The following NPS variants were observed in gnomAD, a reference collection of about 807,000 sequenced individuals.
NPS encodes prepro-neuropeptide S.
A neutral mutation model predicts 7.2 loss-of-function variants in NPS; 6 were observed. That is an observed-to-expected ratio of 0.83 (90% CI 0.46 to 1.64). The LOEUF (loss-of-function observed/expected upper bound fraction) is 1.64, where lower values mean the gene tolerates loss of function less well. NPS is among the 40% of genes most tolerant of loss of function. The pLI is 0.01. For missense variants in NPS, 123 were observed against 97.8 expected (o/e 1.26, Z -1.09); for synonymous variants, 42 against 36.7 (o/e 1.14, Z -0.52).
chr10:127,549,561 A>G lies in NPS; in HGVS notation c.81A>G (p.Pro27=), dbSNP rs2134875895. The change falls in exon 2 of 3, where the codon CCA becomes CCG. Residue 27 remains proline (P), a synonymous_variant. Coordinates refer to ENST00000398023, the MANE Select transcript of NPS (RefSeq NM_001030013.2). The stretch of plus-strand genomic sequence containing the variant: ...ATGTGTTTTGGTGTTATCCAGTTCC[A>G]TCTTCTAAGGTAAGGATTTGCCTCC... ...TMHVFWCYPV[P]SSKVSGKSDY... 1.9e-6 allele frequency: 3 copies of G among 1,594,974 alleles called. No homozygotes were observed. Among genetic ancestry groups the G allele is most frequent in the Non-Finnish European group, 2.6e-6 (3 of 1,162,760 alleles).
Position 127,551,385 on chromosome 10 carries a change from C to T in NPS, c.91-1075C>T, listed in dbSNP as rs144881762. Among the ~76,000 whole-genome samples the T allele has an allele frequency of 5.3e-4, 81 of 152,152 alleles. No individual in the cohort carries two copies. In the East Asian group the frequency reaches 0.014, roughly 26 times the overall value. ...CGCTTTATGCACTCTGGCCCCGTTT[C>T]GACTTCCATACAGTAACCTGAGACC... On this transcript the variant is annotated intron_variant, in intron 2 of 2. Transcript: ENST00000398023.
At chr10:127,550,155 G>T (rs961127378) in intron 2 of NPS, among the ~76,000 whole-genome samples, 1 of 151,794 alleles carries the variant, frequency 6.6e-6, no homozygotes, top group African/African-American at 2.4e-5. Context: ...TCAATATTTT[G>T]TTTATAATTT....
At chr10:127,549,658 A>G in intron 2 of NPS, 88 bp downstream of exon 2, 1 of 826,494 alleles carries the variant, frequency 1.2e-6, no homozygotes, top group Non-Finnish European at 2.1e-6. Context: ...GGAATATGTG[A>G]CAGAAAAGTA....
chr10:127,549,634 C>A, intron 2 of NPS, 64 bp downstream of exon 2: 3 of 965,208 alleles, frequency 3.1e-6, no homozygotes, highest in South Asian at 1.4e-5. Context: ...TATGTAAATT[C>A]CAAATACTTT....
Position 127,549,395 on chromosome 10 carries a change from C to A in NPS, c.8+19C>A. On this transcript the variant is annotated intron_variant, in intron 1 of 2. Coordinates refer to ENST00000398023, the MANE Select transcript of NPS (RefSeq NM_001030013.2). The stretch of plus-strand genomic sequence containing the variant: ...TGATTAGGTAAAAGGCTACGTTTTT[C>A]TGCAAAGAAAAATGTTGCATTTTCA... 6.2e-7 allele frequency: 1 copy of A among 1,607,354 alleles called. No homozygotes were observed. The highest frequency in any genetic ancestry group is 1.1e-5 in the South Asian group (1 of 90,846).
intron 2 of NPS, among the ~76,000 whole-genome samples, chr10:127,551,279 A>G (rs1359479137): frequency 6.6e-6 from 1 of 151,164 alleles, no homozygotes; most frequent in Non-Finnish European, 1.5e-5. Context: ...TTTTTTCCCC[A>G]GAGGCCAGTG....
At position 127,552,982 on chromosome 10, in the gene NPS, G is replaced by T. The variant is rs7071923; in HGVS notation, c.*343G>T. Among the ~76,000 whole-genome samples the T allele has an allele frequency of 6.0e-4, 92 of 152,150 alleles. No homozygotes were observed. The highest frequency in any genetic ancestry group is 7.8e-4 in the Non-Finnish European group (53 of 68,030). On this transcript the variant is annotated 3_prime_UTR_variant, in exon 3 of 3. Transcript: ENST00000398023. ...TAGTATGATTTTTTTTTTCCTGCCT[G>T]TAATATCATAACACGAATACTGTGA...
At position 127,552,640 on chromosome 10, in the gene NPS, C is replaced by T; in HGVS notation, c.*1C>T. 6.2e-7 allele frequency: 1 copy of T among 1,604,656 alleles called. No individual in the cohort carries two copies. The highest frequency in any genetic ancestry group is 1.1e-5 in the South Asian group (1 of 90,758). Reference sequence around the variant, plus strand: ...TTCCTTTCAAAGAGCAAAATCATGACTAAGTGTGCAAAGGACTCGGGGAAT... The same window carrying T: ...TTCCTTTCAAAGAGCAAAATCATGATTAAGTGTGCAAAGGACTCGGGGAAT... On this transcript the variant is annotated 3_prime_UTR_variant, in exon 3 of 3. Coordinates refer to ENST00000398023, the MANE Select transcript of NPS (RefSeq NM_001030013.2).
At chr10:127,551,256 GA>G (rs71032569) in intron 2 of NPS, among the ~76,000 whole-genome samples, 13,319 of 151,666 alleles carry the variant, frequency 0.088, 744 homozygotes, top group Non-Finnish European at 0.14. Context: ...AAAAAGGGGG[GA>G]AAAAGCCCAT....
Position 127,552,954 on chromosome 10 carries a change from C to T in NPS, c.*315C>T, listed in dbSNP as rs563767750. On this transcript the variant is annotated 3_prime_UTR_variant, in exon 3 of 3. Transcript: ENST00000398023. The stretch of plus-strand genomic sequence containing the variant: ...AGCATGAGCATGTTGACAGTCATCA[C>T]GATAGTATGATTTTTTTTTTCCTGC... 2.6e-5 allele frequency among the ~76,000 whole-genome samples: 4 copies of T among 150,952 alleles called. No homozygotes were observed. In the South Asian group the frequency reaches 8.3e-4, roughly 31 times the overall value.
In NPS at chr10:127,553,284, A is replaced by T. The variant is rs1844875690; in HGVS notation, c.*645A>T. On this transcript the variant is annotated 3_prime_UTR_variant, in exon 3 of 3. Coordinates refer to ENST00000398023, the MANE Select transcript of NPS (RefSeq NM_001030013.2). ...TTGTCTTGGAAATTTGTTGCCTTTT[A>T]AAATCTTTAAGCACAGAAATGCTGC... Among the ~76,000 whole-genome samples the T allele has an allele frequency of 6.6e-6, 1 of 152,244 alleles. No individual in the cohort carries two copies. Among genetic ancestry groups the T allele is most frequent in the East Asian group, 1.9e-4 (1 of 5,172 alleles).
At chr10:127,550,388 A>G (rs1463296264) in intron 2 of NPS, among the ~76,000 whole-genome samples, 1 of 151,892 alleles carries the variant, frequency 6.6e-6, no homozygotes, top group Non-Finnish European at 1.5e-5. Flanking sequence ...TCATTTTTCT[A>G]TTTCTTGTTT....
rs1469709454 is a variant in NPS at position 127,552,733 on chromosome 10, T to C, written c.*94T>C. The C allele has an allele frequency of 5.0e-6, 4 of 792,268 alleles. No individual in the cohort carries two copies. The highest frequency in any genetic ancestry group is 8.4e-6 in the Non-Finnish European group (4 of 473,784). The allele number at this position is 792,268 out of a possible 1,614,324, so 49.1% of individuals were successfully genotyped here. A position where few individuals can be genotyped will look rare whatever the true frequency, so the allele number is the denominator to read the frequency against. ...GTCTCTTTATCATTGAGTGTTGGCATGCTCTCTATTCTCAAATATCTTTCC... is the reference window on the plus strand; with the variant it reads ...GTCTCTTTATCATTGAGTGTTGGCACGCTCTCTATTCTCAAATATCTTTCC... On this transcript the variant is annotated 3_prime_UTR_variant, in exon 3 of 3. Coordinates refer to ENST00000398023, the MANE Select transcript of NPS (RefSeq NM_001030013.2).
At position 127,552,744 on chromosome 10, in the gene NPS, C is replaced by T. The variant is rs1278426000; in HGVS notation, c.*105C>T. On this transcript the variant is annotated 3_prime_UTR_variant, in exon 3 of 3. Coordinates refer to ENST00000398023, the MANE Select transcript of NPS (RefSeq NM_001030013.2). Reference sequence around the variant, plus strand: ...ATTGAGTGTTGGCATGCTCTCTATTCTCAAATATCTTTCCTCTCCTGACTG... The same window carrying T: ...ATTGAGTGTTGGCATGCTCTCTATTTTCAAATATCTTTCCTCTCCTGACTG... 1.4e-5 allele frequency: 10 copies of T among 736,508 alleles called. No individual in the cohort carries two copies. The highest frequency in any genetic ancestry group is 2.3e-5 in the Non-Finnish European group (10 of 433,198). 45.6% of individuals were successfully genotyped at this position (736,508 alleles called of 1,614,324 possible).
rs1844837073 is a variant in NPS, at chr10:127,549,502, A to G, written c.22A>G (p.Asn8Asp). The change falls in exon 2 of 3, where the codon AAT (asparagine) becomes GAT (aspartate). Residue 8 changes from asparagine (N) to aspartate (D), a missense_variant. Asn to Asp is a conservative substitution (Grantham distance 23). Coordinates refer to ENST00000398023, the MANE Select transcript of NPS (RefSeq NM_001030013.2). The stretch of plus-strand genomic sequence containing the variant: ...TCTACTTTGCAGCTCAGTAAAACTC[A>G]ATCTCATCCTAGTTCTGTCGCTGTC... MISSVKL[N>D]LILVLSLSTM... is the part of the protein sequence containing the mutation. The G allele has an allele frequency of 6.2e-7, 1 of 1,611,812 alleles. No individual in the cohort carries two copies. Among genetic ancestry groups the G allele is most frequent in the Non-Finnish European group, 8.5e-7 (1 of 1,177,938 alleles).
At chr10:127,551,335 C>T (rs186736444) in intron 2 of NPS, among the ~76,000 whole-genome samples, 7 of 152,148 alleles carry the variant, frequency 4.6e-5, no homozygotes, top group East Asian at 3.9e-4. Flanking sequence ...AAACCACCCA[C>T]GCGTGGGTGA....
chr10:127,549,330 A>C lies in NPS; in HGVS notation c.-39A>C. On this transcript the variant is annotated 5_prime_UTR_variant, in exon 1 of 3. Transcript: ENST00000398023. Reference sequence around the variant, plus strand: ...GAGAGTAAGTGTGAGAAATTTGGCAATAAAACCACCTATCTTTACAGATTT... The same window carrying C: ...GAGAGTAAGTGTGAGAAATTTGGCACTAAAACCACCTATCTTTACAGATTT... The C allele has an allele frequency of 6.3e-7, 1 of 1,589,124 alleles. No individual in the cohort carries two copies. The highest frequency in any genetic ancestry group is 8.6e-7 in the Non-Finnish European group (1 of 1,160,026).
chr10:127,551,133 A>C (rs1450272204), intron 2 of NPS, among the ~76,000 whole-genome samples: 1 of 151,996 alleles, frequency 6.6e-6, no homozygotes, highest in Non-Finnish European at 1.5e-5. Flanking sequence ...TCATGTTTAG[A>C]TTTCCTCTGT....
intron 2 of NPS, 42 bp downstream of exon 2, chr10:127,549,612 A>ATTT: frequency 9.1e-7 from 1 of 1,095,518 alleles, no homozygotes. Context: ...ATAGATGACT[A>ATTT]GAATGGTAAA....
Sources: gnomAD v4.1 joint callset for allele counts (sites outside exome capture counted in the v4.1 genomes callset) on GRCh38, gnomAD v4.1.1 for gene constraint, MANE v1.5 for transcripts, NCBI Gene and HGNC (gene_info 2026-07-23, HGNC 2026-07-21) for gene names.